Variants in FHIT observed in about 807,000 individuals in gnomAD.
FHIT encodes fragile histidine triad diadenosine triphosphatase, also known as bis(5'-adenosyl)-triphosphatase.
A neutral mutation model predicts 17.9 loss-of-function variants in FHIT; 19 were observed. The observed-to-expected ratio is 1.06, with a 90% CI of 0.74 to 1.56. The LOEUF (loss-of-function observed/expected upper bound fraction) is 1.56, where lower values mean the gene tolerates loss of function less well. FHIT is among the 40% of genes most tolerant of loss of function. FHIT has a pLI of 0.00. For synonymous variants in FHIT, 81 were observed against 69.7 expected (o/e 1.16, Z -0.81); for missense variants, 248 against 189.2 (o/e 1.31, Z -1.82).
chr3:60,713,686 G>A (rs1348262408), intron 4 of FHIT, among the ~76,000 whole-genome samples: 3 of 152,138 alleles, frequency 2.0e-5, no homozygotes, highest in Admixed American at 1.3e-4. Context: ...AGAAGAAATG[G>A]ATAAATTCCT....
chr3:60,658,142 C>A (rs1235355380), intron 4 of FHIT, among the ~76,000 whole-genome samples: 1 of 152,072 alleles, frequency 6.6e-6, no homozygotes, highest in Admixed American at 6.6e-5. Context: ...TCTGTCTCTA[C>A]GATTTTGAAT....
At chr3:60,275,531 T>G (rs1347385324) in intron 5 of FHIT, among the ~76,000 whole-genome samples, 1 of 152,174 alleles carries the variant, frequency 6.6e-6, no homozygotes, top group Non-Finnish European at 1.5e-5. Flanking sequence ...GATCAACAGG[T>G]TTTTCCGGTA....
At chr3:59,951,758 T>C (rs533570082) in intron 7 of FHIT, among the ~76,000 whole-genome samples, 1 of 152,244 alleles carries the variant, frequency 6.6e-6, no homozygotes, top group South Asian at 2.1e-4. Context: ...GAAAGCCTCT[T>C]CATTGAGATG....
At chr3:59,803,740 A>T (rs1700089979) in intron 8 of FHIT, among the ~76,000 whole-genome samples, 1 of 144,926 alleles carries the variant, frequency 6.9e-6, no homozygotes, top group African/African-American at 2.5e-5. Flanking sequence ...TTGAACAACC[A>T]AGCCTGAACG....
chr3:60,855,545 A>G (rs1703346077), intron 3 of FHIT, among the ~76,000 whole-genome samples: 2 of 152,100 alleles, frequency 1.3e-5, no homozygotes, highest in Non-Finnish European at 2.9e-5. Flanking sequence ...TTGCCAAACT[A>G]ACCCTGGGAT....
intron 4 of FHIT, among the ~76,000 whole-genome samples, chr3:60,583,163 T>A: frequency 6.6e-6 from 1 of 151,920 alleles, no homozygotes; most frequent in East Asian, 1.9e-4. Context: ...GAATGAGAAA[T>A]TCCTTATTCT....
At chr3:60,886,338 C>A (rs1553759254) in intron 3 of FHIT, among the ~76,000 whole-genome samples, 1 of 152,138 alleles carries the variant, frequency 6.6e-6, no homozygotes, top group East Asian at 1.9e-4. Context: ...GAAAGTGATC[C>A]AATATTCATG....
At chr3:60,162,244 TG>T (rs1311847584) in intron 5 of FHIT, among the ~76,000 whole-genome samples, 1 of 152,188 alleles carries the variant, frequency 6.6e-6, no homozygotes, top group Non-Finnish European at 1.5e-5. Context: ...TTTAAAATTT[TG>T]TTGTGTCATT....
chr3:61,113,834 CGCT>C (rs2036227344), intron 2 of FHIT, among the ~76,000 whole-genome samples: 1 of 152,294 alleles, frequency 6.6e-6, no homozygotes, highest in African/African-American at 2.4e-5. Flanking sequence ...GGGTTGCTAT[CGCT>C]GTAAGCAGTA....
chr3:60,018,696 G>T (rs142001576), intron 5 of FHIT, among the ~76,000 whole-genome samples: 5 of 152,114 alleles, frequency 3.3e-5, no homozygotes, highest in Admixed American at 2.6e-4. Context: ...AACATTGATC[G>T]GCCGGGCGCA....
intron 5 of FHIT, among the ~76,000 whole-genome samples, chr3:60,058,231 G>A (rs539466714): frequency 2.6e-4 from 33 of 128,330 alleles, no homozygotes; most frequent in African/African-American, 2.9e-4. Flanking sequence ...TGCAATCTCC[G>A]CCTCCTGGGT....
At chr3:61,038,201 C>T (rs1335374918) in intron 3 of FHIT, among the ~76,000 whole-genome samples, 1 of 152,206 alleles carries the variant, frequency 6.6e-6, no homozygotes, top group African/African-American at 2.4e-5. Context: ...TTCAATAAAA[C>T]AGGTTCTGAA....
intron 5 of FHIT, among the ~76,000 whole-genome samples, chr3:60,125,823 C>T (rs1290714399): frequency 6.6e-6 from 1 of 152,040 alleles, no homozygotes; most frequent in African/African-American, 2.4e-5. Flanking sequence ...ACAGTGAGTA[C>T]ACTAAAAAAA....
At chr3:59,827,847 A>G (rs1306919349) in intron 8 of FHIT, among the ~76,000 whole-genome samples, 1 of 152,224 alleles carries the variant, frequency 6.6e-6, no homozygotes, top group Non-Finnish European at 1.5e-5. Flanking sequence ...CTTTAAATTA[A>G]TGCATGTTGG....
intron 3 of FHIT, among the ~76,000 whole-genome samples, chr3:61,031,123 A>C (rs2107667529): frequency 6.6e-6 from 1 of 152,338 alleles, no homozygotes; most frequent in African/African-American, 2.4e-5. Flanking sequence ...ACTATAAGTA[A>C]AAGTTATTAT....
chr3:60,104,129 G>T lies in FHIT; in HGVS notation c.104-89977C>A, dbSNP rs190830373. ...GGCAAAAACTCAGAACTCATTTTGGGGAGGAAAAAAAGTCCTATCAAACCA... is the reference window on the plus strand; with the variant it reads ...GGCAAAAACTCAGAACTCATTTTGGTGAGGAAAAAAAGTCCTATCAAACCA... On this transcript the variant is annotated intron_variant, in intron 5 of 9. Transcript: ENST00000492590. 3.3e-4 allele frequency among the ~76,000 whole-genome samples: 50 copies of T among 152,140 alleles called. No individual in the cohort carries two copies. The East Asian group carries it at 8.3e-3, about 25-fold the overall frequency.
chr3:60,130,776 G>GTCTGTGTGTATATACACACATA (rs1322600707), intron 5 of FHIT, among the ~76,000 whole-genome samples: 1 of 270 alleles, frequency 3.7e-3, no homozygotes, highest in Admixed American at 0.036. Flanking sequence ...TTGTGTGTGT[G>GTCTGTGTGTATATACACACATA]TGTGTGTGGT....
At chr3:61,061,268 G>T (rs2106698081) in intron 2 of FHIT, among the ~76,000 whole-genome samples, 1 of 152,198 alleles carries the variant, frequency 6.6e-6, no homozygotes, top group South Asian at 2.1e-4. Flanking sequence ...GGTTGGTTTT[G>T]TGTTCCTGTT....
intron 4 of FHIT, among the ~76,000 whole-genome samples, chr3:60,810,759 T>C (rs2106713629): frequency 6.6e-6 from 1 of 152,302 alleles, no homozygotes; most frequent in South Asian, 2.1e-4. Context: ...CTGGATGTTG[T>C]CAGGGGCAAG....
Sources: gnomAD v4.1 joint callset for allele counts (sites outside exome capture counted in the v4.1 genomes callset) on GRCh38, gnomAD v4.1.1 for gene constraint, MANE v1.5 for transcripts, NCBI Gene and HGNC (gene_info 2026-07-23, HGNC 2026-07-21) for gene names.